XRCC2: variants seen among roughly 807,000 people sequenced by gnomAD.
XRCC2 encodes DNA repair protein XRCC2.
In XRCC2, 24 loss-of-function variants were observed where a neutral mutation model predicts 27.3. The observed-to-expected ratio is 0.88, with a 90% CI of 0.64 to 1.24. The LOEUF (loss-of-function observed/expected upper bound fraction) is 1.24, where lower values mean the gene tolerates loss of function less well. Among genes scored for constraint, XRCC2 ranks in the 50% most tolerant of loss-of-function variants. XRCC2 has a pLI of 0.00. For synonymous variants in XRCC2, 106 were observed against 115.4 expected (o/e 0.92, Z 0.52); for missense variants, 321 against 325.8 (o/e 0.99, Z 0.11).
rs1438454149 is a variant in XRCC2, at chr7:152,644,974, TGTTA to T, written c.*3664_*3667del. ...ATTCTGATGATTCAGATGATTCTGA[TGTTA>T]GTTCTGTTTAGAAATAACTCCAAGA... is the stretch of plus-strand genomic sequence containing the variant. On this transcript the variant is annotated 3_prime_UTR_variant, in exon 3 of 3. Transcript: ENST00000359321. 1 of 152,234 alleles carries T rather than the reference TGTTA, an allele frequency of 6.6e-6. No homozygotes were observed. Among genetic ancestry groups the T allele is most frequent in the African/African-American group, 2.4e-5 (1 of 41,470 alleles). The allele number at this position is 152,234 out of a possible 1,614,324, so 9.4% of individuals were successfully genotyped here.
At chr7:152,660,236 A>G (rs3218476) in intron 2 of XRCC2, among the ~76,000 whole-genome samples, 1,530 of 152,294 alleles carry the variant, frequency 0.01, 16 homozygotes, top group African/African-American at 0.022. Context: ...ACTGTGTAAT[A>G]ACCTAAAAAT....
At chr7:152,661,270 AAAT>A (rs1246885877) in intron 1 of XRCC2, among the ~76,000 whole-genome samples, 1 of 152,262 alleles carries the variant, frequency 6.6e-6, no homozygotes, top group African/African-American at 2.4e-5. Flanking sequence ...TGACAGTATA[AAAT>A]GAGTCTGTAC....
chr7:152,676,116 C>G lies in XRCC2; in HGVS notation c.-37G>C. Reference sequence around the variant, plus strand: ...CTCGGCGCAGGAGAGACTCAACTTTCCCGCCACCAACGCCATTCACCAACT... The same window carrying G: ...CTCGGCGCAGGAGAGACTCAACTTTGCCGCCACCAACGCCATTCACCAACT... On this transcript the variant is annotated 5_prime_UTR_variant, in exon 1 of 3. Transcript: ENST00000359321. 6.2e-7 allele frequency: 1 copy of G among 1,613,516 alleles called. No individual in the cohort carries two copies. Among genetic ancestry groups the G allele is most frequent in the Non-Finnish European group, 8.5e-7 (1 of 1,179,716 alleles).
Position 152,648,475 on chromosome 7 carries a change from C to T in XRCC2, c.*167G>A, listed in dbSNP as rs532040586. On this transcript the variant is annotated 3_prime_UTR_variant, in exon 3 of 3. Coordinates refer to ENST00000359321, the MANE Select transcript of XRCC2 (RefSeq NM_005431.2). ...GTGGCTCACGCCTGTAATCCCTGCA[C>T]TCTAGGAGGCACACATAGGAGGATC... 3.0e-6 allele frequency: 2 copies of T among 658,784 alleles called. No homozygotes were observed. The highest frequency in any genetic ancestry group is 3.7e-5 in the African/African-American group (2 of 54,378). The allele number at this position is 658,784 out of a possible 1,614,324, so 40.8% of individuals were successfully genotyped here. A position where few individuals can be genotyped will look rare whatever the true frequency, so the allele number is the denominator to read the frequency against.
intron 1 of XRCC2, chr7:152,663,904 T>G (rs2098034458): frequency 6.6e-6 from 1 of 152,036 alleles, no homozygotes; most frequent in Admixed American, 6.6e-5. Context: ...AGCAATGTGA[T>G]TTATGGTGGG....
At chr7:152,657,531 T>C (rs895298868) in intron 2 of XRCC2, among the ~76,000 whole-genome samples, 24 of 152,242 alleles carry the variant, frequency 1.6e-4, no homozygotes, top group African/African-American at 5.8e-4. Context: ...CCTCAGGTGA[T>C]CCACAGACCT....
intron 2 of XRCC2, among the ~76,000 whole-genome samples, chr7:152,656,914 A>T (rs1343041863): frequency 6.6e-6 from 1 of 152,182 alleles, no homozygotes; most frequent in Non-Finnish European, 1.5e-5. Context: ...TAAAGAGCAC[A>T]GGGAAATGTA....
chr7:152,659,326 C>T (rs1327754716), intron 2 of XRCC2, among the ~76,000 whole-genome samples: 2 of 152,118 alleles, frequency 1.3e-5, no homozygotes, highest in Non-Finnish European at 2.9e-5. Context: ...GACAATTCAA[C>T]AATAACAGTT....
Position 152,676,055 on chromosome 7 carries a change from C to T in XRCC2, c.25G>A (p.Glu9Lys). The change falls in exon 1 of 3, where the codon GAG becomes AAG. Residue 9 changes from glutamate (E) to lysine (K), a missense_variant. Transcript: ENST00000359321. Reference protein sequence around the residue: MCSAFHRAESGTELLARLE... With the variant: MCSAFHRAKSGTELLARLE... ...GCGGCTCTCACCTCGGTCCCAGACT[C>T]AGCCCTATGGAAGGCACTACACATC... The T allele has an allele frequency of 6.2e-7, 1 of 1,613,886 alleles. No individual in the cohort carries two copies. Among genetic ancestry groups the T allele is most frequent in the South Asian group, 1.1e-5 (1 of 91,090 alleles).
At chr7:152,664,683 T>C (rs1272024432) in intron 1 of XRCC2, among the ~76,000 whole-genome samples, 1 of 152,060 alleles carries the variant, frequency 6.6e-6, no homozygotes, top group African/African-American at 2.4e-5. Context: ...TTGCAGATGG[T>C]GTGTCTGGGA....
At position 152,648,823 on chromosome 7, in the gene XRCC2, A is replaced by G. The variant is rs3218537; in HGVS notation, c.662T>C (p.Ile221Thr). 3.1e-5 allele frequency: 50 copies of G among 1,614,012 alleles called. No individual in the cohort carries two copies. The African/African-American group carries it at 6.1e-4, about 20-fold the overall frequency. Residue 221 changes from isoleucine to threonine, a missense_variant, in exon 3 of 3, where the codon ATA (isoleucine) becomes ACA (threonine). By Grantham distance (89) the Ile-to-Thr change is moderately conservative. Transcript: ENST00000359321. ...HASRRLCDVD[I>T]DYRPYLCKAW... ...CTTACAGAGATAAGGTCTGTAGTCTATGTCCACATCACACAGTCGTCGAGA... is the reference window on the plus strand; with the variant it reads ...CTTACAGAGATAAGGTCTGTAGTCTGTGTCCACATCACACAGTCGTCGAGA...
At position 152,667,405 on chromosome 7, in the gene XRCC2, CAAAAAAAAAAAAAA is replaced by C. The variant is rs60136474; in HGVS notation, c.40-6637_40-6624del. Among the ~76,000 whole-genome samples, 17 of 75,862 alleles carry C rather than the reference CAAAAAAAAAAAAAA, an allele frequency of 2.2e-4. 1 individual carries two copies. In the South Asian group the frequency reaches 8.6e-3, roughly 38 times the overall value. The allele number at this position is 75,862 out of a possible 152,430, so 49.8% of individuals were successfully genotyped here. A position where few individuals can be genotyped will look rare whatever the true frequency, so the allele number is the denominator to read the frequency against. ...GGGCAACAAGAGCAAAACTCCGTCTCAAAAAAAAAAAAAAAAAAAAAGAAAAAAAGTATTATAAT... is the reference window on the plus strand; with the variant it reads ...GGGCAACAAGAGCAAAACTCCGTCTCAAAAAAAGAAAAAAAGTATTATAAT... On this transcript the variant is annotated intron_variant, in intron 1 of 2. Coordinates refer to ENST00000359321, the MANE Select transcript of XRCC2 (RefSeq NM_005431.2).
chr7:152,666,912 C>A (rs961805161), intron 1 of XRCC2, among the ~76,000 whole-genome samples: 4 of 151,966 alleles, frequency 2.6e-5, no homozygotes, highest in African/African-American at 9.7e-5. Flanking sequence ...GCCACTGCGC[C>A]CAGCAAGACA....
In XRCC2 at chr7:152,667,966, T is replaced by C. The variant is rs3218421; in HGVS notation, c.40-7184A>G. On this transcript the variant is annotated intron_variant, in intron 1 of 2. Coordinates refer to ENST00000359321, the MANE Select transcript of XRCC2 (RefSeq NM_005431.2). ...TCACTTGAACCCAGAAGGTGGAGGT[T>C]GCAGTGAGCCGAGATCACACCACTG... Among the ~76,000 whole-genome samples, 1,354 of 146,288 alleles carry C rather than the reference T, an allele frequency of 9.3e-3. 20 individuals are homozygous for C. The highest frequency in any genetic ancestry group is 0.031 in the African/African-American group (1,230 of 39,332).
intron 2 of XRCC2, among the ~76,000 whole-genome samples, chr7:152,656,845 T>TAA (rs1416419771): frequency 1.3e-5 from 2 of 152,150 alleles, no homozygotes; most frequent in Non-Finnish European, 2.9e-5. Flanking sequence ...CAAAAAATAC[T>TAA]AAAGGGAGTC....
intron 1 of XRCC2, among the ~76,000 whole-genome samples, chr7:152,675,505 C>T (rs1342101631): frequency 5.9e-5 from 9 of 152,092 alleles, no homozygotes; most frequent in Non-Finnish European, 1.0e-4. Context: ...TTGTGTGGCT[C>T]TGGAGCTACC....
At chr7:152,650,980 C>A (rs1018593418) in intron 2 of XRCC2, among the ~76,000 whole-genome samples, 1 of 152,096 alleles carries the variant, frequency 6.6e-6, no homozygotes, top group African/African-American at 2.4e-5. Flanking sequence ...TGTTCTGTTG[C>A]CTAGGCTGGA....
At chr7:152,663,352 A>T (rs1307576057) in intron 1 of XRCC2, among the ~76,000 whole-genome samples, 1 of 86,012 alleles carries the variant, frequency 1.2e-5, no homozygotes, top group Admixed American at 9.9e-5. Flanking sequence ...GAAGTAAAAA[A>T]AAAAAAAAAA....
At chr7:152,665,130 C>G (rs2098035010) in intron 1 of XRCC2, among the ~76,000 whole-genome samples, 1 of 152,128 alleles carries the variant, frequency 6.6e-6, no homozygotes, top group South Asian at 2.1e-4. Flanking sequence ...CAGGAAGGAT[C>G]AGGAAATAGG....
Sources: allele counts gnomAD v4.1 joint callset (sites outside exome capture counted in the v4.1 genomes callset), GRCh38; gene constraint gnomAD v4.1.1; transcripts MANE v1.5; gene names NCBI Gene and HGNC (gene_info 2026-07-23, HGNC 2026-07-21).